COL22A1: variants seen among roughly 807,000 people sequenced by gnomAD.
COL22A1 encodes collagen alpha-1(XXII) chain.
In COL22A1, 221 loss-of-function variants were observed where a neutral mutation model predicts 248.9. That is an observed-to-expected ratio of 0.89 (90% CI 0.80 to 0.99). The LOEUF is 0.99. COL22A1 is among the 50% of genes least tolerant of loss of function. The probability of loss-of-function intolerance (pLI) is 0.00; values close to 1 mark genes in which losing one functional copy is unlikely to be tolerated. For synonymous variants in COL22A1, 891 were observed against 793.4 expected, an observed-to-expected ratio of 1.12 and a Z score of -2.07; for missense variants, 2,240 against 2,179.0, an observed-to-expected ratio of 1.03 and a Z score of -0.56.
At position 138,635,077 on chromosome 8, in the gene COL22A1, A is replaced by C; in HGVS notation, c.3556-14T>G. On this transcript the variant is annotated splice_polypyrimidine_tract_variant and intron_variant, in intron 48 of 64. Transcript: ENST00000303045. ...TCCAGGATGACCCTAGGAAAACACA[A>C]GATGCAATTCTTTAAAATGACTTGA... 6.2e-7 allele frequency: 1 copy of C among 1,600,188 alleles called. No individual in the cohort carries two copies. Among genetic ancestry groups the C allele is most frequent in the Non-Finnish European group, 8.5e-7 (1 of 1,173,076 alleles).
At position 138,865,819 on chromosome 8, in the gene COL22A1, C is replaced by T. The variant is rs1473491361; in HGVS notation, c.658+11931G>A. Among the ~76,000 whole-genome samples the T allele has an allele frequency of 3.2e-5, 4 of 123,478 alleles. No homozygotes were observed. The South Asian group carries it at 7.9e-4, about 24-fold the overall frequency. 81.0% of individuals were successfully genotyped at this position (123,478 alleles called of 152,430 possible). A position where few individuals can be genotyped will look rare whatever the true frequency, so the allele number is the denominator to read the frequency against. ...TGTGTGTGTGTGTATGTTTGTATGC[C>T]TGTGTGTGTGTGTATATGTATGCCT... On this transcript the variant is annotated intron_variant, in intron 3 of 64. Coordinates refer to ENST00000303045, the MANE Select transcript of COL22A1 (RefSeq NM_152888.3).
chr8:138,821,080 A>C, intron 7 of COL22A1, 56 bp downstream of exon 7: 1 of 1,585,198 alleles, frequency 6.3e-7, no homozygotes, highest in Non-Finnish European at 8.6e-7. Flanking sequence ...CTTAGCTCCC[A>C]AGGCTTCTCC....
chr8:138,676,454 A>AAAGAAAGAAAAAGAAAGAAAGG (rs71582022), intron 41 of COL22A1, 104 bp downstream of exon 41: 1 of 396,726 alleles, frequency 2.5e-6, no homozygotes, highest in Non-Finnish European at 4.4e-6. Context: ...AGAAAGAAAG[A>AAAGAAAGAAAAAGAAAGAAAGG]AAGGAAGAAA....
At chr8:138,753,432 C>A (rs1318767325) in intron 21 of COL22A1, among the ~76,000 whole-genome samples, 1 of 152,154 alleles carries the variant, frequency 6.6e-6, no homozygotes, top group African/African-American at 2.4e-5. Flanking sequence ...TGTACTAAAT[C>A]CCATTCTGTC....
At chr8:138,670,758 G>C (rs1389736403) in intron 41 of COL22A1, among the ~76,000 whole-genome samples, 1 of 151,856 alleles carries the variant, frequency 6.6e-6, no homozygotes, top group Non-Finnish European at 1.5e-5. Flanking sequence ...TCAGGAGTTT[G>C]AGACCAGTCT....
chr8:138,734,376 C>T (rs1213087647), intron 23 of COL22A1, among the ~76,000 whole-genome samples: 6 of 152,086 alleles, frequency 3.9e-5, no homozygotes, highest in Admixed American at 2.0e-4. Flanking sequence ...CCAGTGCGTA[C>T]TTAATAAAAA....
chr8:138,873,838 G>A (rs767815077), intron 3 of COL22A1, among the ~76,000 whole-genome samples: 1 of 152,194 alleles, frequency 6.6e-6, no homozygotes, highest in Non-Finnish European at 1.5e-5. Context: ...TTGAATGGCT[G>A]TTTTAATGCA....
At chr8:138,721,716 C>A (rs1406863441) in intron 26 of COL22A1, among the ~76,000 whole-genome samples, 1 of 152,222 alleles carries the variant, frequency 6.6e-6, no homozygotes, top group Non-Finnish European at 1.5e-5. Flanking sequence ...ACCTTGGCCT[C>A]CCAAGTGAAT....
At chr8:138,746,487 TCTA>T (rs528694485) in intron 22 of COL22A1, among the ~76,000 whole-genome samples, 168 of 152,360 alleles carry the variant, frequency 1.1e-3, no homozygotes, top group South Asian at 3.1e-3. Context: ...ACAATTTGTT[TCTA>T]CTCCCTTTTT....
intron 49 of COL22A1, among the ~76,000 whole-genome samples, chr8:138,632,316 T>C (rs148073059): frequency 1.2e-4 from 18 of 152,284 alleles, no homozygotes; most frequent in African/African-American, 4.1e-4. Context: ...AGTTCCTTTG[T>C]AAAATGAAGG....
chr8:138,625,866 G>A (rs1458567396), intron 51 of COL22A1, among the ~76,000 whole-genome samples: 1 of 152,164 alleles, frequency 6.6e-6, no homozygotes, highest in Admixed American at 6.5e-5. Flanking sequence ...ATATATGTGT[G>A]TGTGTTTTGT....
intron 16 of COL22A1, among the ~76,000 whole-genome samples, chr8:138,774,869 G>A (rs1416492807): frequency 2.0e-5 from 3 of 152,282 alleles, no homozygotes; most frequent in South Asian, 2.1e-4. Flanking sequence ...CGGAGAAAAC[G>A]CTGCATGTCG....
In COL22A1 at chr8:138,688,938, T is replaced by C. The variant is rs752244060; in HGVS notation, c.2841A>G (p.Lys947=). 6.2e-7 allele frequency: 1 copy of C among 1,613,512 alleles called. No individual in the cohort carries two copies. The highest frequency in any genetic ancestry group is 8.5e-7 in the Non-Finnish European group (1 of 1,179,466). The change falls in exon 37 of 65, where the codon AAA becomes AAG. Residue 947 remains lysine, a synonymous_variant. Coordinates refer to ENST00000303045, the MANE Select transcript of COL22A1 (RefSeq NM_152888.3). ...GAPGLRGTPG[K]DGERGEKGAA... ...TTACCTTCTCACCACGCTCCCCATCTTTCCCTGGGGTGCCTCTGAGGCCGG... is the reference window on the plus strand; with the variant it reads ...TTACCTTCTCACCACGCTCCCCATCCTTCCCTGGGGTGCCTCTGAGGCCGG...
At chr8:138,611,561 C>T (rs1017338412) in intron 56 of COL22A1, among the ~76,000 whole-genome samples, 2 of 152,206 alleles carry the variant, frequency 1.3e-5, no homozygotes, top group Non-Finnish European at 2.9e-5. Flanking sequence ...TTTTCCTAAT[C>T]TCTCCGTATG....
chr8:138,802,959 G>A, intron 10 of COL22A1, 25 bp from the exon 11 acceptor site: 1 of 1,600,222 alleles, frequency 6.2e-7, no homozygotes, highest in Non-Finnish European at 8.6e-7. Context: ...CCAGAGACAA[G>A]CATCAGATTA....
At chr8:138,664,846 C>T (rs73721915) in intron 41 of COL22A1, among the ~76,000 whole-genome samples, 2,740 of 152,252 alleles carry the variant, frequency 0.018, 80 homozygotes, top group African/African-American at 0.061. Flanking sequence ...TTTTCACTGA[C>T]AATCAAACTA....
chr8:138,738,624 C>T (rs1362946742), intron 22 of COL22A1, among the ~76,000 whole-genome samples: 1 of 152,092 alleles, frequency 6.6e-6, no homozygotes, highest in African/African-American at 2.4e-5. Flanking sequence ...GTGTGCAAAT[C>T]GAGGCTCAGA....
At chr8:138,764,311 C>T (rs970953735) in intron 16 of COL22A1, among the ~76,000 whole-genome samples, 5 of 152,224 alleles carry the variant, frequency 3.3e-5, no homozygotes, top group South Asian at 2.1e-4. Context: ...TATCTCTCCC[C>T]GGGCTTGCTG....
intron 46 of COL22A1, among the ~76,000 whole-genome samples, chr8:138,647,381 A>G (rs1822298047): frequency 6.6e-6 from 1 of 152,184 alleles, no homozygotes; most frequent in African/African-American, 2.4e-5. Flanking sequence ...GAGATAATAA[A>G]TATTTGTTGT....
Sources: allele counts gnomAD v4.1 joint callset (sites outside exome capture counted in the v4.1 genomes callset), GRCh38; gene constraint gnomAD v4.1.1; transcripts MANE v1.5; gene names NCBI Gene and HGNC (gene_info 2026-07-23, HGNC 2026-07-21).